SPAG16: variants seen among roughly 807,000 people sequenced by gnomAD.
SPAG16 encodes sperm-associated antigen 16 protein.
Under a neutral mutation model 80.4 loss-of-function variants are expected in SPAG16, and 86 were observed. The ratio of observed to expected loss-of-function variants is 1.07; its 90% CI spans 0.90 to 1.28. The LOEUF (loss-of-function observed/expected upper bound fraction) is 1.28, where lower values mean the gene tolerates loss of function less well. Ranked by LOEUF, SPAG16 falls within the 50% of genes most tolerant of loss-of-function variation. The pLI, the probability that SPAG16 is intolerant of heterozygous loss-of-function variation, is 0.00. For synonymous variants in SPAG16, 294 were observed against 265.9 expected (o/e 1.11, Z -1.03); for missense variants, 870 against 765.3 (o/e 1.14, Z -1.61).
intron 10 of SPAG16, among the ~76,000 whole-genome samples, chr2:213,813,600 G>A (rs951129638): frequency 6.6e-6 from 1 of 152,112 alleles, no homozygotes; most frequent in Non-Finnish European, 1.5e-5. Context: ...TTGGGGGACA[G>A]GTAGAAGCAA....
At chr2:213,872,530 G>A (rs1412979617) in intron 11 of SPAG16, among the ~76,000 whole-genome samples, 2 of 151,972 alleles carry the variant, frequency 1.3e-5, no homozygotes, top group African/African-American at 4.8e-5. Context: ...TATCATCTCT[G>A]AAGAGAGATC....
At chr2:214,165,892 A>T (rs190953417) in intron 15 of SPAG16, among the ~76,000 whole-genome samples, 276 of 152,246 alleles carry the variant, frequency 1.8e-3, no homozygotes, top group African/African-American at 6.3e-3. Flanking sequence ...TGAGTTTCTC[A>T]TTTAGGTGCT....
chr2:213,376,061 C>G (rs1039882655), intron 9 of SPAG16, among the ~76,000 whole-genome samples: 2 of 150,804 alleles, frequency 1.3e-5, no homozygotes, highest in African/African-American at 4.9e-5. Context: ...AAAAACTAAT[C>G]ACTTTTTTGT....
intron 15 of SPAG16, among the ~76,000 whole-genome samples, chr2:214,269,667 C>T (rs1444951026): frequency 6.6e-6 from 1 of 152,010 alleles, no homozygotes; most frequent in African/African-American, 2.4e-5. Context: ...CTCCAATCTA[C>T]TTATTGGAAG....
intron 15 of SPAG16, among the ~76,000 whole-genome samples, chr2:214,200,108 C>T (rs1432587520): frequency 6.6e-6 from 1 of 152,092 alleles, no homozygotes; most frequent in Non-Finnish European, 1.5e-5. Flanking sequence ...CTTCTCTTGT[C>T]TGATTGCCTA....
At chr2:214,319,224 A>AC (rs1553554490) in intron 15 of SPAG16, among the ~76,000 whole-genome samples, 3,811 of 151,002 alleles carry the variant, frequency 0.025, 178 homozygotes, top group African/African-American at 0.086. Flanking sequence ...ACACACACAC[A>AC]AGAAGTGTAG....
At chr2:214,287,524 A>G (rs1454097704) in intron 15 of SPAG16, among the ~76,000 whole-genome samples, 2 of 152,160 alleles carry the variant, frequency 1.3e-5, no homozygotes, top group African/African-American at 4.8e-5. Flanking sequence ...TGATCAGACC[A>G]TAGTTGGGGG....
chr2:214,188,912 T>G (rs556558953), intron 15 of SPAG16, among the ~76,000 whole-genome samples: 1 of 152,210 alleles, frequency 6.6e-6, no homozygotes, highest in Non-Finnish European at 1.5e-5. Context: ...TGTGCTTCAT[T>G]TATAGCAAGG....
At chr2:214,315,925 G>T (rs1912170) in intron 15 of SPAG16, among the ~76,000 whole-genome samples, 149,682 of 152,302 alleles carry the variant, frequency 0.98, 73,606 homozygotes, top group East Asian at 1. Context: ...ATGTTTTAAA[G>T]TAGTGCAGAC....
At chr2:214,037,642 T>C (rs1457041556) in intron 13 of SPAG16, among the ~76,000 whole-genome samples, 1 of 152,150 alleles carries the variant, frequency 6.6e-6, no homozygotes, top group East Asian at 1.9e-4. Context: ...TATGTTTCTA[T>C]CTGTGTCTTT....
At chr2:213,680,479 C>A (rs1194890923) in intron 10 of SPAG16, among the ~76,000 whole-genome samples, 1 of 151,568 alleles carries the variant, frequency 6.6e-6, no homozygotes, top group Non-Finnish European at 1.5e-5. Flanking sequence ...AAAACAAGGG[C>A]TCTTATGGAT....
intron 10 of SPAG16, among the ~76,000 whole-genome samples, chr2:213,539,457 A>G (rs1455811447): frequency 6.6e-6 from 1 of 152,220 alleles, no homozygotes; most frequent in Non-Finnish European, 1.5e-5. Context: ...GTTTTGTACA[A>G]GTCTTTTTCA....
intron 10 of SPAG16, among the ~76,000 whole-genome samples, chr2:213,698,154 A>T (rs796565715): frequency 4.9e-4 from 75 of 152,260 alleles, no homozygotes; most frequent in African/African-American, 1.7e-3. Context: ...CCACATTTTT[A>T]AAAAATTACA....
chr2:213,604,128 G>C (rs1306123358), intron 10 of SPAG16, among the ~76,000 whole-genome samples: 1 of 152,094 alleles, frequency 6.6e-6, no homozygotes, highest in East Asian at 1.9e-4. Context: ...CTGACCTCAG[G>C]TGATCTGCCC....
intron 10 of SPAG16, among the ~76,000 whole-genome samples, chr2:213,589,921 CAAAA>C (rs35341781): frequency 7.2e-6 from 1 of 138,744 alleles, no homozygotes; most frequent in Non-Finnish European, 1.5e-5. Context: ...AACTCCATCT[CAAAA>C]AAAAAAAAAA....
rs541636574 is a variant in SPAG16, at chr2:213,695,306, C to T, written c.1071-167179C>T. 3.3e-5 allele frequency among the ~76,000 whole-genome samples: 5 copies of T among 152,298 alleles called. No individual in the cohort carries two copies. The East Asian group carries it at 9.7e-4, about 29-fold the overall frequency. ...TCACTTACCTCATCTACCAACTTAA[C>T]TAACAAGGTATCATGGTTTTAAAAA... On this transcript the variant is annotated intron_variant, in intron 10 of 15. Coordinates refer to ENST00000331683, the MANE Select transcript of SPAG16 (RefSeq NM_024532.5).
intron 8 of SPAG16, among the ~76,000 whole-genome samples, chr2:213,368,502 C>G (rs2066446764): frequency 6.6e-6 from 1 of 152,148 alleles, no homozygotes; most frequent in Non-Finnish European, 1.5e-5. Flanking sequence ...TGAAAACTGG[C>G]ACAAGACAGG....
chr2:213,468,509 ATATATATC>A (rs1559163059), intron 9 of SPAG16, among the ~76,000 whole-genome samples: 31 of 131,224 alleles, frequency 2.4e-4, no homozygotes, highest in African/African-American at 8.7e-4. Flanking sequence ...ATATAGATAT[ATATATATC>A]TATGTATTTA....
At chr2:213,505,488 T>A (rs1362599808) in intron 10 of SPAG16, among the ~76,000 whole-genome samples, 4 of 152,130 alleles carry the variant, frequency 2.6e-5, no homozygotes, top group Non-Finnish European at 5.9e-5. Context: ...TATTGATGAG[T>A]TAATATTTTA....
Sources: gnomAD v4.1 joint callset for allele counts (sites outside exome capture counted in the v4.1 genomes callset) on GRCh38, gnomAD v4.1.1 for gene constraint, MANE v1.5 for transcripts, NCBI Gene and HGNC (gene_info 2026-07-23, HGNC 2026-07-21) for gene names.